The following SPIRE1 variants were observed in gnomAD, a reference collection of about 807,000 sequenced individuals.
The protein encoded by SPIRE1 is spire type actin nucleation factor 1.
Under a neutral mutation model 94.1 loss-of-function variants are expected in SPIRE1, and 40 were observed. The ratio of observed to expected loss-of-function variants is 0.43; its 90% CI spans 0.33 to 0.55. SPIRE1 has a LOEUF of 0.55. Among genes scored for constraint, SPIRE1 ranks in the 20% least tolerant of loss-of-function variants. The pLI, the probability that SPIRE1 is intolerant of heterozygous loss-of-function variation, is 0.06. For missense variants in SPIRE1, 838 were observed against 975.2 expected (o/e 0.86, Z 1.87); for synonymous variants, 376 against 371.7 (o/e 1.01, Z -0.13).
intron 12 of SPIRE1, 83 bp from the exon 13 acceptor site, chr18:12,454,566 G>GTAGCTTCAGAGAAGAGAACAGGTTTC: frequency 7.8e-7 from 1 of 1,281,616 alleles, no homozygotes; most frequent in Non-Finnish European, 1.1e-6. Flanking sequence ...TCAGACCCCT[G>GTAGCTTCAGAGAAGAGAACAGGTTTC]ATTAGTAGCT....
At chr18:12,477,789 C>G (rs559266335) in intron 10 of SPIRE1, among the ~76,000 whole-genome samples, 2 of 152,268 alleles carry the variant, frequency 1.3e-5, no homozygotes, top group African/African-American at 4.8e-5. Context: ...AAGCACCAAG[C>G]TGAGCACCGA....
intron 10 of SPIRE1, among the ~76,000 whole-genome samples, chr18:12,472,997 G>T (rs2032422512): frequency 6.6e-6 from 1 of 152,188 alleles, no homozygotes; most frequent in Non-Finnish European, 1.5e-5. Context: ...GTTTTGCCAT[G>T]TTGGCCAGGC....
intron 12 of SPIRE1, among the ~76,000 whole-genome samples, chr18:12,460,640 A>T: frequency 6.6e-6 from 1 of 151,684 alleles, no homozygotes; most frequent in East Asian, 2.0e-4. Context: ...TCAATCCGGG[A>T]GGCGGAGGTT....
At chr18:12,459,636 A>T (rs2031687666) in intron 12 of SPIRE1, 3 of 495,186 alleles carry the variant, frequency 6.1e-6, no homozygotes, top group Admixed American at 6.4e-5. Flanking sequence ...GGGTGGAATC[A>T]ATGATTGGAA....
Position 12,539,570 on chromosome 18 carries a change from TACACATACACACACACGCAC to T in SPIRE1, c.604-3989_604-3970del, listed in dbSNP as rs1209866395. On this transcript the variant is annotated intron_variant, in intron 3 of 16. Coordinates refer to ENST00000409402, the MANE Select transcript of SPIRE1 (RefSeq NM_001128626.2). The stretch of plus-strand genomic sequence containing the variant: ...AATGGGTATCTCAGACCCTTAAACA[TACACATACACACACACGCAC>T]ACACACACACACACACACACACACG... Among the ~76,000 whole-genome samples, 6 of 147,006 alleles carry T rather than the reference TACACATACACACACACGCAC, an allele frequency of 4.1e-5. No homozygotes were observed. In the East Asian group the frequency reaches 1.2e-3, roughly 29 times the overall value.
At chr18:12,530,885 G>A (rs1293467016) in intron 4 of SPIRE1, among the ~76,000 whole-genome samples, 1 of 152,120 alleles carries the variant, frequency 6.6e-6, no homozygotes, top group Non-Finnish European at 1.5e-5. Context: ...ATGAAACAGT[G>A]TATTACTGGA....
chr18:12,506,226 T>C (rs996274665), intron 6 of SPIRE1, among the ~76,000 whole-genome samples: 8 of 152,132 alleles, frequency 5.3e-5, no homozygotes, highest in African/African-American at 1.9e-4. Context: ...GGCTCGATCT[T>C]GGGTCACTGC....
rs200223941 is a variant in SPIRE1 at position 12,618,887 on chromosome 18, AT to A, written c.372+16174del. Among the ~76,000 whole-genome samples, 500 of 128,494 alleles carry A rather than the reference AT, an allele frequency of 3.9e-3. 1 individual carries two copies. Among genetic ancestry groups the A allele is most frequent in the African/African-American group, 0.01 (407 of 39,542 alleles). The allele number at this position is 128,494 out of a possible 152,430, so 84.3% of individuals were successfully genotyped here. Reference sequence around the variant, plus strand: ...GCCAGCTCTGAGCCCCACAAAAACAATTTTTTTCCCCCCCAAGACAGAGTTT... The same window carrying A: ...GCCAGCTCTGAGCCCCACAAAAACAATTTTTTCCCCCCCAAGACAGAGTTT... On this transcript the variant is annotated intron_variant, in intron 2 of 16. Transcript: ENST00000409402.
At chr18:12,659,869 T>C (rs2038660216), upstream of SPIRE1, among the ~76,000 whole-genome samples, 2 of 152,198 alleles carry the variant, frequency 1.3e-5, no homozygotes, top group Non-Finnish European at 2.9e-5. Flanking sequence ...TGTGACACTA[T>C]ATACATATAA....
At chr18:12,460,571 G>A (rs1454994323) in intron 12 of SPIRE1, among the ~76,000 whole-genome samples, 18 of 152,124 alleles carry the variant, frequency 1.2e-4, no homozygotes. Context: ...AATTAGCCGG[G>A]TGTGGTGGCA....
chr18:12,619,507 C>T (rs369766358), intron 2 of SPIRE1, among the ~76,000 whole-genome samples: 3 of 150,140 alleles, frequency 2.0e-5, no homozygotes, highest in Non-Finnish European at 3.0e-5. Flanking sequence ...GACTCCGTCT[C>T]GAAAAACAAA....
chr18:12,613,950 T>C (rs1346731648), intron 2 of SPIRE1, among the ~76,000 whole-genome samples: 1 of 150,736 alleles, frequency 6.6e-6, no homozygotes, highest in Non-Finnish European at 1.5e-5. Context: ...GGTTTAGATA[T>C]ACTGGGTTAG....
In SPIRE1 at chr18:12,455,822, C is replaced by T. The variant is rs967312433; in HGVS notation, c.1639-1339G>A. ...CTCACAGGCACTCAGGAATCCAACACGCCAGTGAGAAAGCACATGACTATG... is the reference window on the plus strand; with the variant it reads ...CTCACAGGCACTCAGGAATCCAACATGCCAGTGAGAAAGCACATGACTATG... On this transcript the variant is annotated intron_variant, in intron 12 of 16. Transcript: ENST00000409402. Among the ~76,000 whole-genome samples the T allele has an allele frequency of 3.9e-5, 6 of 152,180 alleles. No homozygotes were observed. In the East Asian group the frequency reaches 5.8e-4, roughly 15 times the overall value.
intron 4 of SPIRE1, among the ~76,000 whole-genome samples, chr18:12,512,818 C>G (rs1460097129): frequency 6.9e-6 from 1 of 145,856 alleles, no homozygotes; most frequent in Non-Finnish European, 1.5e-5. Flanking sequence ...CTTTTCATCT[C>G]TACTACAAAT....
chr18:12,634,570 T>C (rs1234351017), intron 2 of SPIRE1, among the ~76,000 whole-genome samples: 1 of 152,076 alleles, frequency 6.6e-6, no homozygotes, highest in African/African-American at 2.4e-5. Flanking sequence ...GTTACAAAAA[T>C]ATGGACAAGG....
chr18:12,579,854 T>C (rs991953246), intron 2 of SPIRE1, among the ~76,000 whole-genome samples: 1 of 152,236 alleles, frequency 6.6e-6, no homozygotes, highest in Admixed American at 6.5e-5. Flanking sequence ...TACCTCACTC[T>C]ACCACTTCAC....
rs908358005 is a variant in SPIRE1, at chr18:12,449,333, C to T, written c.*305G>A. Reference sequence around the variant, plus strand: ...TTTTTGCCTTAGTCAGGAGATTATTCGAGGAACAGTAAAGAACTGAACTAA... The same window carrying T: ...TTTTTGCCTTAGTCAGGAGATTATTTGAGGAACAGTAAAGAACTGAACTAA... On this transcript the variant is annotated 3_prime_UTR_variant, in exon 17 of 17. Coordinates refer to ENST00000409402, the MANE Select transcript of SPIRE1 (RefSeq NM_001128626.2). 1.1e-4 allele frequency: 32 copies of T among 288,752 alleles called. No individual in the cohort carries two copies. Among genetic ancestry groups the T allele is most frequent in the African/African-American group, 4.0e-4 (18 of 45,096 alleles). The allele number at this position is 288,752 out of a possible 1,614,324, so 17.9% of individuals were successfully genotyped here.
chr18:12,499,740 A>G (rs940681385), intron 6 of SPIRE1, among the ~76,000 whole-genome samples: 1 of 152,208 alleles, frequency 6.6e-6, no homozygotes, highest in South Asian at 2.1e-4. Context: ...AAAATAGATA[A>G]ATTGTATTTC....
rs867015971 is a variant in SPIRE1 at position 12,610,346 on chromosome 18, C to G, written c.372+24716G>C. Among the ~76,000 whole-genome samples the G allele has an allele frequency of 4.6e-5, 7 of 152,210 alleles. No individual in the cohort carries two copies. In the Middle Eastern group the frequency reaches 0.01, roughly 222 times the overall value. On this transcript the variant is annotated intron_variant, in intron 2 of 16. Transcript: ENST00000409402. ...ACAGCCTCCACCTATCTTTCTAGTTCATTCCCTCTAATATTTGACTCCAGT... is the reference window on the plus strand; with the variant it reads ...ACAGCCTCCACCTATCTTTCTAGTTGATTCCCTCTAATATTTGACTCCAGT...
Sources: allele counts gnomAD v4.1 joint callset (sites outside exome capture counted in the v4.1 genomes callset), GRCh38; gene constraint gnomAD v4.1.1; transcripts MANE v1.5; gene names NCBI Gene and HGNC (gene_info 2026-07-23, HGNC 2026-07-21).